The following TXNL1 variants were observed in gnomAD, a reference collection of about 807,000 sequenced individuals.
TXNL1 encodes thioredoxin like 1, also known as thioredoxin-like protein 1.
Under a neutral mutation model 35.5 loss-of-function variants are expected in TXNL1, and 14 were observed. That is an observed-to-expected ratio of 0.39 (90% CI 0.26 to 0.62). The LOEUF is 0.62. Among genes scored for constraint, TXNL1 ranks in the 20% least tolerant of loss-of-function variants. The pLI, the probability that TXNL1 is intolerant of heterozygous loss-of-function variation, is 0.47. For synonymous variants in TXNL1, 110 were observed against 115.5 expected (o/e 0.95, Z 0.31); for missense variants, 263 against 349.7 (o/e 0.75, Z 1.98).
At chr18:56,610,830 T>C (rs1598913292) in intron 7 of TXNL1, 163 bp downstream of exon 7, 1 of 468,172 alleles carries the variant, frequency 2.1e-6, no homozygotes, top group Non-Finnish European at 3.8e-6. Flanking sequence ...TCTAAAAATA[T>C]AGTTAGGGGA....
At chr18:56,624,921 C>T (rs1469283991) in intron 2 of TXNL1, among the ~76,000 whole-genome samples, 3 of 152,052 alleles carry the variant, frequency 2.0e-5, no homozygotes, top group Non-Finnish European at 4.4e-5. Flanking sequence ...GCACTGCAAC[C>T]GTCACCCAAT....
intron 5 of TXNL1, among the ~76,000 whole-genome samples, chr18:56,615,308 A>G (rs185774842): frequency 6.6e-6 from 1 of 151,596 alleles, no homozygotes; most frequent in Admixed American, 6.6e-5. Flanking sequence ...ATTAATAAAA[A>G]TTATTAACAT....
At chr18:56,604,038 C>T (rs1384569384) in intron 7 of TXNL1, among the ~76,000 whole-genome samples, 1 of 152,098 alleles carries the variant, frequency 6.6e-6, no homozygotes, top group Non-Finnish European at 1.5e-5. Flanking sequence ...CATGAGAGAC[C>T]TGAAAGCTTT....
At chr18:56,623,365 T>C (rs1046761449) in intron 3 of TXNL1, among the ~76,000 whole-genome samples, 2 of 151,194 alleles carry the variant, frequency 1.3e-5, no homozygotes, top group African/African-American at 2.4e-5. Flanking sequence ...GAGGTGGAGG[T>C]TGCAGTGAGC....
rs1598913576 is a variant in TXNL1 at position 56,611,218 on chromosome 18, G to C, written c.736-121C>G. The C allele has an allele frequency of 8.7e-6, 6 of 686,940 alleles. No homozygotes were observed. The East Asian group carries it at 2.3e-4, about 26-fold the overall frequency. 42.6% of individuals were successfully genotyped at this position (686,940 alleles called of 1,614,324 possible). On this transcript the variant is annotated intron_variant, in intron 6 of 7. Transcript: ENST00000217515. ...TCCATTCTTTGTAAAAATTAATCTA[G>C]GCTGGGTGCAGTGGCTCACGTCTGT...
chr18:56,612,458 A>T (rs139809079), intron 6 of TXNL1, among the ~76,000 whole-genome samples: 50 of 152,090 alleles, frequency 3.3e-4, no homozygotes, highest in African/African-American at 1.1e-3. Flanking sequence ...TTACTCATTG[A>T]TCCTTTGTCA....
intron 7 of TXNL1, among the ~76,000 whole-genome samples, chr18:56,608,036 G>C (rs927792123): frequency 7.9e-5 from 12 of 152,120 alleles, no homozygotes; most frequent in Non-Finnish European, 1.8e-4. Context: ...AGTATGTACA[G>C]GGTTTGTTAG....
At chr18:56,619,606 T>C (rs1052553732) in intron 3 of TXNL1, among the ~76,000 whole-genome samples, 1 of 152,000 alleles carries the variant, frequency 6.6e-6, no homozygotes, top group Non-Finnish European at 1.5e-5. Flanking sequence ...AATCTAGTCA[T>C]TTAGCTTATA....
intron 7 of TXNL1, among the ~76,000 whole-genome samples, chr18:56,603,880 T>A (rs1032270817): frequency 7.2e-5 from 11 of 152,222 alleles, no homozygotes; most frequent in African/African-American, 2.7e-4. Flanking sequence ...TATGTTTGTG[T>A]AGAAAGATTT....
chr18:56,614,902 G>A (rs964553026), intron 5 of TXNL1, among the ~76,000 whole-genome samples: 4 of 152,046 alleles, frequency 2.6e-5, no homozygotes, highest in Admixed American at 2.6e-4. Flanking sequence ...GACATGCTAC[G>A]ATAAACAAAA....
chr18:56,617,638 C>A (rs1040967074), intron 4 of TXNL1, among the ~76,000 whole-genome samples: 5 of 152,300 alleles, frequency 3.3e-5, no homozygotes, highest in African/African-American at 1.2e-4. Context: ...ATTAGCCACA[C>A]AGGGAGTGCT....
intron 3 of TXNL1, 84 bp from the exon 4 acceptor site, chr18:56,618,210 T>A: frequency 7.1e-7 from 1 of 1,404,940 alleles, no homozygotes; most frequent in Non-Finnish European, 9.7e-7. Flanking sequence ...TGATTCTCTT[T>A]AGGCAATTTT....
At chr18:56,618,455 T>C (rs927506347) in intron 3 of TXNL1, among the ~76,000 whole-genome samples, 1 of 152,234 alleles carries the variant, frequency 6.6e-6, no homozygotes, top group Non-Finnish European at 1.5e-5. Flanking sequence ...AGAAAGCCTA[T>C]TTCCCTCTTC....
intron 3 of TXNL1, among the ~76,000 whole-genome samples, chr18:56,621,862 T>C (rs2024192622): frequency 6.6e-6 from 1 of 151,718 alleles, no homozygotes; most frequent in South Asian, 2.1e-4. Context: ...TAGCTGGGTG[T>C]GGTGGTGGGC....
chr18:56,604,231 G>C (rs2023853980), intron 7 of TXNL1, among the ~76,000 whole-genome samples: 1 of 151,442 alleles, frequency 6.6e-6, no homozygotes, highest in Non-Finnish European at 1.5e-5. Context: ...AGAAATTCAG[G>C]TTTTAAGAGC....
chr18:56,620,927 G>C (rs924389330), intron 3 of TXNL1, among the ~76,000 whole-genome samples: 1 of 152,214 alleles, frequency 6.6e-6, no homozygotes, highest in East Asian at 1.9e-4. Flanking sequence ...TAAAAGATGG[G>C]GAGGGAAGAA....
intron 7 of TXNL1, among the ~76,000 whole-genome samples, chr18:56,606,922 T>C (rs1259502710): frequency 1.3e-5 from 2 of 152,226 alleles, no homozygotes; most frequent in African/African-American, 4.8e-5. Flanking sequence ...ACCATATCCA[T>C]GTCAACTTTT....
chr18:56,634,195 G>A (rs1379956675), intron 1 of TXNL1, among the ~76,000 whole-genome samples: 1 of 152,084 alleles, frequency 6.6e-6, no homozygotes, highest in African/African-American at 2.4e-5. Context: ...ATCAGAGAGT[G>A]AAATGAATTG....
chr18:56,606,810 T>C (rs917086373), intron 7 of TXNL1, among the ~76,000 whole-genome samples: 1 of 152,214 alleles, frequency 6.6e-6, no homozygotes, highest in Admixed American at 6.5e-5. Flanking sequence ...TGAAGAGTAG[T>C]CCCTCCTTAT....
Sources: gnomAD v4.1 joint callset for allele counts (sites outside exome capture counted in the v4.1 genomes callset) on GRCh38, gnomAD v4.1.1 for gene constraint, MANE v1.5 for transcripts, NCBI Gene and HGNC (gene_info 2026-07-23, HGNC 2026-07-21) for gene names.